Variants in PSMD11 observed in about 807,000 individuals in gnomAD.
PSMD11 encodes the protein proteasome 26S subunit, non-ATPase 11.
Under a neutral mutation model 62.3 loss-of-function variants are expected in PSMD11, and 5 were observed. The ratio of observed to expected loss-of-function variants is 0.08; its 90% CI spans 0.04 to 0.17. The LOEUF (loss-of-function observed/expected upper bound fraction) is 0.17. PSMD11 is among the 10% of genes least tolerant of loss of function. The probability of loss-of-function intolerance (pLI) is 1.00; values close to 1 mark genes in which losing one functional copy is unlikely to be tolerated. For missense variants in PSMD11, 310 were observed against 512.9 expected (o/e 0.60, Z 3.82); for synonymous variants, 191 against 191.8 (o/e 1.00, Z 0.03).
intron 1 of PSMD11, 121 bp downstream of exon 1, chr17:32,444,735 G>A (rs1009346591): frequency 1.6e-6 from 2 of 1,267,814 alleles, no homozygotes; most frequent in Non-Finnish European, 1.1e-6. Context: ...GTGTGAGGGG[G>A]GCCGGGCCGG....
chr17:32,457,732 TA>T (rs1349625135), intron 3 of PSMD11, among the ~76,000 whole-genome samples: 3 of 152,150 alleles, frequency 2.0e-5, no homozygotes, highest in African/African-American at 4.8e-5. Flanking sequence ...AGCCATTTGT[TA>T]AATTTTGTCA....
intron 5 of PSMD11, among the ~76,000 whole-genome samples, chr17:32,465,260 G>A (rs544482674): frequency 5.7e-4 from 86 of 152,156 alleles, no homozygotes; most frequent in African/African-American, 2.0e-3. Flanking sequence ...AGCTGGGACT[G>A]CAGGCATGTG....
At chr17:32,461,581 G>GAA (rs35497067) in intron 3 of PSMD11, among the ~76,000 whole-genome samples, 3,835 of 138,632 alleles carry the variant, frequency 0.028, 194 homozygotes, top group African/African-American at 0.092. Flanking sequence ...CAAAAGAAAA[G>GAA]AAAAAAAAAA....
At chr17:32,466,205 C>T (rs8070449) in intron 5 of PSMD11, among the ~76,000 whole-genome samples, 25,063 of 152,070 alleles carry the variant, frequency 0.16, 2,569 homozygotes, top group African/African-American at 0.28. Context: ...CCATTTTGGT[C>T]AGGCTGGTCT....
intron 2 of PSMD11, among the ~76,000 whole-genome samples, chr17:32,452,058 A>G (rs1016100278): frequency 2.5e-4 from 38 of 152,298 alleles, no homozygotes; most frequent in African/African-American, 8.9e-4. Flanking sequence ...GCTTTATCAG[A>G]CCCATAGATT....
chr17:32,447,885 CTTTTTTT>C (rs755811348), intron 2 of PSMD11, among the ~76,000 whole-genome samples: 1 of 141,100 alleles, frequency 7.1e-6, no homozygotes, highest in Non-Finnish European at 1.6e-5. Context: ...TTTTCTTTTT[CTTTTTTT>C]TTTTTTGAGA....
chr17:32,476,027 G>T (rs935222491), intron 8 of PSMD11, among the ~76,000 whole-genome samples: 10 of 152,014 alleles, frequency 6.6e-5, no homozygotes, highest in African/African-American at 2.2e-4. Flanking sequence ...ACTTTGGGCG[G>T]CTGAGGTGGG....
At chr17:32,455,075 T>C (rs1419816813) in intron 3 of PSMD11, among the ~76,000 whole-genome samples, 1 of 152,224 alleles carries the variant, frequency 6.6e-6, no homozygotes, top group East Asian at 1.9e-4. Context: ...CTGGTGTTCC[T>C]GTATGTGTCC....
At chr17:32,471,559 TA>T (rs1377081238) in intron 6 of PSMD11, among the ~76,000 whole-genome samples, 1 of 152,220 alleles carries the variant, frequency 6.6e-6, no homozygotes, top group Non-Finnish European at 1.5e-5. Context: ...TATCTTAAAG[TA>T]GTTAATATTA....
chr17:32,477,489 A>G, intron 8 of PSMD11, 32 bp from the exon 9 acceptor site: 1 of 1,569,536 alleles, frequency 6.4e-7, no homozygotes, highest in Non-Finnish European at 8.7e-7. Context: ...TGCAGAATAA[A>G]TCGCTTTCAT....
intron 2 of PSMD11, among the ~76,000 whole-genome samples, chr17:32,452,533 A>G (rs755409538): frequency 1.6e-4 from 24 of 152,230 alleles, no homozygotes; most frequent in Non-Finnish European, 3.5e-4. Context: ...GTTAGAAGAC[A>G]GAATTAAAAT....
intron 2 of PSMD11, among the ~76,000 whole-genome samples, chr17:32,453,420 GAA>G (rs770502745): frequency 7.9e-5 from 12 of 152,176 alleles, no homozygotes; most frequent in Non-Finnish European, 1.8e-4. Flanking sequence ...GCAGAATGGC[GAA>G]AAGTTTTAAA....
chr17:32,481,593 CTT>C lies in PSMD11; in HGVS notation c.*842_*843del, dbSNP rs1908496777. Reference sequence around the variant, plus strand: ...CTCCTCTCCTGCATTCCTCTCCTCTCTTCTTTCCTCTCTGTCCCTTCTCTTTC... The same window carrying C: ...CTCCTCTCCTGCATTCCTCTCCTCTCCTTTCCTCTCTGTCCCTTCTCTTTC... On this transcript the variant is annotated 3_prime_UTR_variant, in exon 14 of 14. Coordinates refer to ENST00000261712, the MANE Select transcript of PSMD11 (RefSeq NM_002815.4). The C allele has an allele frequency of 6.6e-6, 1 of 151,266 alleles. No individual in the cohort carries two copies. Among genetic ancestry groups the C allele is most frequent in the Admixed American group, 6.6e-5 (1 of 15,184 alleles). The allele number at this position is 151,266 out of a possible 1,614,324, so 9.4% of individuals were successfully genotyped here.
At position 32,481,095 on chromosome 17, in the gene PSMD11, C is replaced by A; in HGVS notation, c.*343C>A. 6.4e-6 allele frequency: 1 copy of A among 155,928 alleles called. No individual in the cohort carries two copies. The highest frequency in any genetic ancestry group is 1.4e-5 in the Non-Finnish European group (1 of 70,534). The allele number at this position is 155,928 out of a possible 1,614,324, so 9.7% of individuals were successfully genotyped here. On this transcript the variant is annotated 3_prime_UTR_variant, in exon 14 of 14. Transcript: ENST00000261712. ...GGCACCCCGCCAACCACTGGGGGTC[C>A]TAATCCACCTGCTGGGCATCACCTC...
At chr17:32,466,852 G>GT (rs1410002019) in intron 5 of PSMD11, among the ~76,000 whole-genome samples, 2 of 152,080 alleles carry the variant, frequency 1.3e-5, no homozygotes, top group Non-Finnish European at 1.5e-5. Flanking sequence ...ATTTCATTAT[G>GT]TTTTTGTTTT....
Position 32,444,573 on chromosome 17 carries a change from G to C in PSMD11, c.50G>C (p.Ser17Thr), listed in dbSNP as rs140202481. 1.9e-6 allele frequency: 3 copies of C among 1,611,920 alleles called. No individual in the cohort carries two copies. Among genetic ancestry groups the C allele is most frequent in the Non-Finnish European group, 1.7e-6 (2 of 1,179,342 alleles). ...TTCCAGAGAGCCCAGTCTCTACTCA[G>C]CACCGACCGGGAGGCCTCCATCGAC... The part of the protein sequence containing the change: ...VEFQRAQSLL[S>T]TDREASIDIL... The change falls in exon 1 of 14, where the codon AGC becomes ACC. Residue 17 changes from serine (S) to threonine (T), a missense_variant. By Grantham distance (58) the Ser-to-Thr change is moderately conservative. Around this residue, in one of 6 missense-constraint regions of PSMD11, gnomAD observed 28 missense variants for 21.2 expected, o/e 1.32. Coordinates refer to ENST00000261712, the MANE Select transcript of PSMD11 (RefSeq NM_002815.4).
Position 32,482,388 on chromosome 17 carries a change from T to C in PSMD11, c.*1636T>C, listed in dbSNP as rs1007735380. 6.6e-6 allele frequency: 1 copy of C among 152,152 alleles called. No individual in the cohort carries two copies. The highest frequency in any genetic ancestry group is 2.4e-5 in the African/African-American group (1 of 41,426). 9.4% of individuals were successfully genotyped at this position (152,152 alleles called of 1,614,324 possible). ...TTTTTTTTTTTTTCAAAAGGTGTCT[T>C]TTTCTTGAGTGCTGGAGGGCTTCCA... is the stretch of plus-strand genomic sequence containing the variant. On this transcript the variant is annotated 3_prime_UTR_variant, in exon 14 of 14. Transcript: ENST00000261712.
chr17:32,454,584 C>T lies in PSMD11; in HGVS notation c.283C>T (p.Leu95=). 3 of 1,614,032 alleles carry T rather than the reference C, an allele frequency of 1.9e-6. No homozygotes were observed. Among genetic ancestry groups the T allele is most frequent in the Non-Finnish European group, 2.5e-6 (3 of 1,179,950 alleles). The part of the protein sequence containing the change: ...AARLVRSLLD[L]FLDMEAATGQ... ...TCGCCTGGTCCGATCTCTTCTTGAT[C>T]TGTTTCTTGATATGGAAGCAGCTAC... The change falls in exon 3 of 14, where the codon CTG becomes TTG. Residue 95 remains leucine, a synonymous_variant. Transcript: ENST00000261712.
At chr17:32,480,256 TTTA>T in intron 12 of PSMD11, 59 bp downstream of exon 12, 1 of 1,571,610 alleles carries the variant, frequency 6.4e-7, no homozygotes, top group African/African-American at 1.4e-5. Flanking sequence ...GTTGAAGAAG[TTTA>T]TTTTCAAAGA....
Sources: allele counts gnomAD v4.1 joint callset (sites outside exome capture counted in the v4.1 genomes callset), GRCh38; gene constraint gnomAD v4.1.1; regional missense constraint gnomAD v4.1.1; transcripts MANE v1.5; gene names NCBI Gene and HGNC (gene_info 2026-07-23, HGNC 2026-07-21).